The following TMEM178B variants were observed in gnomAD, a reference collection of about 807,000 sequenced individuals.
TMEM178B encodes the protein transmembrane protein 178B.
Under a neutral mutation model 31.0 loss-of-function variants are expected in TMEM178B, and 5 were observed. That is an observed-to-expected ratio of 0.16 (90% confidence interval 0.08 to 0.34). TMEM178B has a LOEUF of 0.34. Ranked by LOEUF, TMEM178B falls within the 10% of genes least tolerant of loss-of-function variation. The pLI, the probability that TMEM178B is intolerant of heterozygous loss-of-function variation, is 1.00. For synonymous variants in TMEM178B, 164 were observed against 164.0 expected (o/e 1.00, Z 0.00); for missense variants, 275 against 400.3 (o/e 0.69, Z 2.67).
At chr7:141,307,197 T>C (rs949181279) in intron 2 of TMEM178B, among the ~76,000 whole-genome samples, 2 of 152,146 alleles carry the variant, frequency 1.3e-5, no homozygotes, top group African/African-American at 2.4e-5. Context: ...TGAACTATAA[T>C]GCTTGGACTG....
intron 2 of TMEM178B, among the ~76,000 whole-genome samples, chr7:141,338,145 AT>A (rs1167688696): frequency 4.6e-5 from 7 of 152,110 alleles, no homozygotes; most frequent in Non-Finnish European, 8.8e-5. Flanking sequence ...CCGATTTGAT[AT>A]TTTTTAAAGC....
At chr7:141,083,848 A>G (rs2129171247) in intron 1 of TMEM178B, among the ~76,000 whole-genome samples, 1 of 151,836 alleles carries the variant, frequency 6.6e-6, no homozygotes. Context: ...TGTGTGGAAT[A>G]CTTCGTAGCC....
chr7:141,268,957 C>T (rs964778586), intron 2 of TMEM178B, among the ~76,000 whole-genome samples: 3 of 152,160 alleles, frequency 2.0e-5, no homozygotes, highest in Admixed American at 6.5e-5. Context: ...TCCTCTACCA[C>T]GGCAATGCTC....
At chr7:141,170,253 C>T (rs1211975997) in intron 1 of TMEM178B, among the ~76,000 whole-genome samples, 4 of 152,100 alleles carry the variant, frequency 2.6e-5, no homozygotes, top group Non-Finnish European at 5.9e-5. Flanking sequence ...TATTCTGTCA[C>T]CAAAGTGTGA....
chr7:141,085,150 ATTTTTT>A (rs61516388), intron 1 of TMEM178B, among the ~76,000 whole-genome samples: 3 of 74,540 alleles, frequency 4.0e-5, no homozygotes, highest in Non-Finnish European at 7.7e-5. Flanking sequence ...GCTAATTTGT[ATTTTTT>A]TTTTTTTTTT....
intron 2 of TMEM178B, among the ~76,000 whole-genome samples, chr7:141,321,455 A>G (rs1428214500): frequency 6.6e-6 from 1 of 152,194 alleles, no homozygotes; most frequent in African/African-American, 2.4e-5. Flanking sequence ...GAATGAAACT[A>G]GACTTCTCAA....
chr7:141,351,630 G>C (rs1799725112), intron 2 of TMEM178B, among the ~76,000 whole-genome samples: 1 of 152,214 alleles, frequency 6.6e-6, no homozygotes, highest in Non-Finnish European at 1.5e-5. Context: ...AGGGAGAATA[G>C]AATGGTTGTG....
In TMEM178B at chr7:141,346,598, T is replaced by C. The variant is rs535517594; in HGVS notation, c.497-91010T>C. 1.8e-4 allele frequency among the ~76,000 whole-genome samples: 27 copies of C among 152,178 alleles called. No homozygotes were observed. The South Asian group carries it at 5.4e-3, about 30-fold the overall frequency. ...ACCTCACACATAGGCAATGGACATA[T>C]GTGTACCCATACACACTCCACACAC... On this transcript the variant is annotated intron_variant, in intron 2 of 3. Coordinates refer to ENST00000565468, the MANE Select transcript of TMEM178B (RefSeq NM_001195278.2).
intron 2 of TMEM178B, among the ~76,000 whole-genome samples, chr7:141,332,526 A>G (rs539228592): frequency 1.6e-4 from 24 of 152,242 alleles, no homozygotes; most frequent in East Asian, 1.4e-3. Context: ...AACTCCCTTC[A>G]TCGTCCATTC....
At chr7:141,443,118 T>A (rs909603109) in intron 3 of TMEM178B, among the ~76,000 whole-genome samples, 2 of 152,242 alleles carry the variant, frequency 1.3e-5, no homozygotes, top group African/African-American at 4.8e-5. Flanking sequence ...TTTGTTTGAT[T>A]TTTAATAGAC....
chr7:141,113,489 C>T (rs1347731679), intron 1 of TMEM178B, among the ~76,000 whole-genome samples: 1 of 152,172 alleles, frequency 6.6e-6, no homozygotes, highest in Non-Finnish European at 1.5e-5. Context: ...GACCCTTTTC[C>T]TTCCTATTCT....
At position 141,074,667 on chromosome 7, in the gene TMEM178B, C is replaced by A. The variant is rs477223; in HGVS notation, c.357C>A (p.Pro119=). ...AGTGCCACCGGCAGGGCTTCGACCCCGAGATCGCCGCCCTCATTCGGAAAG... is the reference window on the plus strand; with the variant it reads ...AGTGCCACCGGCAGGGCTTCGACCCAGAGATCGCCGCCCTCATTCGGAAAG... ...WRKCHRQGFD[P]EIAALIRKGE... is the part of the protein sequence containing the mutation. Residue 119 remains proline, a synonymous_variant, in exon 1 of 4, where the codon CCC becomes CCA. Coordinates refer to ENST00000565468, the MANE Select transcript of TMEM178B (RefSeq NM_001195278.2). This position sits in a 1 kb window ranked among gnomAD's most constrained non-coding sequence, Gnocchi z 5.1. 9 of 1,511,964 alleles carry A rather than the reference C, an allele frequency of 6.0e-6. No individual in the cohort carries two copies. The Admixed American group carries it at 1.2e-4, about 21-fold the overall frequency. 93.7% of individuals were successfully genotyped at this position (1,511,964 alleles called of 1,614,324 possible). A position where few individuals can be genotyped will look rare whatever the true frequency, so the allele number is the denominator to read the frequency against.
At chr7:141,491,990 T>A in the TMEM178B span, among the ~76,000 whole-genome samples, 2 of 152,124 alleles carry the variant, frequency 1.3e-5, no homozygotes, top group Non-Finnish European at 2.9e-5. Context: ...ATCACAGCAC[T>A]CCTAGGCTGA....
chr7:141,393,433 A>G (rs1800580907), intron 2 of TMEM178B, among the ~76,000 whole-genome samples: 1 of 152,148 alleles, frequency 6.6e-6, no homozygotes, highest in African/African-American at 2.4e-5. Context: ...AGTTGTTCAA[A>G]TTAGGGAGAG....
At chr7:141,098,204 T>G (rs1245962351) in intron 1 of TMEM178B, among the ~76,000 whole-genome samples, 1 of 152,178 alleles carries the variant, frequency 6.6e-6, no homozygotes, top group East Asian at 1.9e-4. Context: ...TCTTTCCAAT[T>G]TATTATCTCT....
At chr7:141,250,803 G>A (rs1287681016) in intron 2 of TMEM178B, among the ~76,000 whole-genome samples, 1 of 152,142 alleles carries the variant, frequency 6.6e-6, no homozygotes, top group Non-Finnish European at 1.5e-5. Context: ...TGGCCAGCAT[G>A]GCCTCATTGT....
chr7:141,126,084 T>C (rs564247062), intron 1 of TMEM178B, among the ~76,000 whole-genome samples: 1 of 152,260 alleles, frequency 6.6e-6, no homozygotes, highest in African/African-American at 2.4e-5. Context: ...GACCAGATTG[T>C]GTGAAATGAG....
chr7:141,143,766 T>A (rs1040560017), intron 1 of TMEM178B, among the ~76,000 whole-genome samples: 1 of 152,120 alleles, frequency 6.6e-6, no homozygotes, highest in Non-Finnish European at 1.5e-5. Flanking sequence ...GACTTTGGTA[T>A]CTTGATAGGA....
the TMEM178B span, among the ~76,000 whole-genome samples, chr7:141,506,411 A>C: frequency 6.6e-6 from 1 of 152,218 alleles, no homozygotes; most frequent in Non-Finnish European, 1.5e-5. Flanking sequence ...GAATCATGGC[A>C]GGAGGCAAAA....
Sources: gnomAD v4.1 joint callset for allele counts (sites outside exome capture counted in the v4.1 genomes callset) on GRCh38, gnomAD v4.1.1 for gene constraint, Gnocchi (gnomAD v3.1) non-coding constraint, MANE v1.5 for transcripts, NCBI Gene and HGNC (gene_info 2026-07-23, HGNC 2026-07-21) for gene names.